Variants in GRIP1 observed in about 807,000 individuals in gnomAD.
The protein encoded by GRIP1 is glutamate receptor interacting protein 1, also known as glutamate receptor-interacting protein 1.
In GRIP1, 45 loss-of-function variants were observed where a neutral mutation model predicts 129.9. That is an observed-to-expected ratio of 0.35 (90% CI 0.27 to 0.44). The LOEUF (loss-of-function observed/expected upper bound fraction) is 0.44. Ranked by LOEUF, GRIP1 falls within the 20% of genes least tolerant of loss-of-function variation. The pLI, the probability that GRIP1 is intolerant of heterozygous loss-of-function variation, is 1.00. For missense variants in GRIP1, 1,196 were observed against 1,396.8 expected (o/e 0.86, Z 2.29); for synonymous variants, 530 against 520.8 (o/e 1.02, Z -0.24).
intron 1 of GRIP1, among the ~76,000 whole-genome samples, chr12:66,752,483 T>C (rs2037159445): frequency 6.6e-6 from 1 of 152,188 alleles, no homozygotes; most frequent in Non-Finnish European, 1.5e-5. Flanking sequence ...CAGTCATACA[T>C]TTTGTTTATT....
chr12:66,579,775 A>C (rs1198736907), intron 2 of GRIP1, among the ~76,000 whole-genome samples: 1 of 151,854 alleles, frequency 6.6e-6, no homozygotes, highest in Non-Finnish European at 1.5e-5. Flanking sequence ...CCAAATCTAC[A>C]TCTGATTGGT....
intron 1 of GRIP1, among the ~76,000 whole-genome samples, chr12:66,780,812 A>G (rs1441830246): frequency 3.9e-5 from 6 of 152,156 alleles, no homozygotes; most frequent in Non-Finnish European, 8.8e-5. Context: ...TCTATCTTGG[A>G]ACCCAGCTGT....
At position 66,574,436 on chromosome 12, in the gene GRIP1, A is replaced by G. The variant is rs553080506; in HGVS notation, c.136+22411T>C. Among the ~76,000 whole-genome samples, 8 of 152,332 alleles carry G rather than the reference A, an allele frequency of 5.3e-5. No homozygotes were observed. The East Asian group carries it at 1.5e-3, about 29-fold the overall frequency. ...TGCCAACCTTTCACTCTCTCTTTTA[A>G]AACACTAACATTTCACCTAAATTGG... is the stretch of plus-strand genomic sequence containing the variant. On this transcript the variant is annotated intron_variant, in intron 2 of 24. Transcript: ENST00000359742.
intron 1 of GRIP1, among the ~76,000 whole-genome samples, chr12:66,864,568 A>AC (rs1239370995): frequency 6.6e-6 from 1 of 150,908 alleles, no homozygotes; most frequent in Non-Finnish European, 1.5e-5. Flanking sequence ...ATAAAAAAAA[A>AC]ATAGCTGGGT....
At chr12:66,767,942 G>A (rs1457581311) in intron 1 of GRIP1, among the ~76,000 whole-genome samples, 1 of 152,208 alleles carries the variant, frequency 6.6e-6, no homozygotes, top group Non-Finnish European at 1.5e-5. Context: ...CATAGGAAGA[G>A]GGGAGGGTTA....
chr12:66,872,454 AATTT>A (rs1163588002), intron 1 of GRIP1, among the ~76,000 whole-genome samples: 1 of 152,018 alleles, frequency 6.6e-6, no homozygotes, highest in African/African-American at 2.4e-5. Flanking sequence ...TGAGCTATAG[AATTT>A]ATTTATTTAT....
At chr12:66,615,598 A>G (rs2065005495) in intron 1 of GRIP1, among the ~76,000 whole-genome samples, 1 of 152,226 alleles carries the variant, frequency 6.6e-6, no homozygotes, top group Non-Finnish European at 1.5e-5. Flanking sequence ...TCTACCTTAA[A>G]TGAATACACT....
chr12:66,480,606 C>A (rs1190126547), intron 7 of GRIP1, among the ~76,000 whole-genome samples: 1 of 152,136 alleles, frequency 6.6e-6, no homozygotes, highest in Non-Finnish European at 1.5e-5. Context: ...ATAGCCAAGA[C>A]AATCCTAAGC....
intron 1 of GRIP1, among the ~76,000 whole-genome samples, chr12:66,676,080 A>C (rs1342471492): frequency 6.6e-6 from 1 of 152,186 alleles, no homozygotes. Flanking sequence ...CATCTTTTAA[A>C]ATTACATCTG....
At chr12:66,350,059 G>A (rs971751724) in intron 24 of GRIP1, among the ~76,000 whole-genome samples, 4 of 151,930 alleles carry the variant, frequency 2.6e-5, no homozygotes, top group Non-Finnish European at 5.9e-5. Flanking sequence ...CCTCCTTGGC[G>A]TTTAGCATTT....
intron 1 of GRIP1, among the ~76,000 whole-genome samples, chr12:66,985,829 T>C (rs775396893): frequency 7.2e-5 from 11 of 152,348 alleles, no homozygotes; most frequent in Non-Finnish European, 1.3e-4. Context: ...GATCCTTCAC[T>C]GAGGACACTG....
intron 7 of GRIP1, among the ~76,000 whole-genome samples, chr12:66,472,970 A>G (rs908468532): frequency 2.0e-5 from 3 of 152,112 alleles, no homozygotes; most frequent in African/African-American, 4.8e-5. Context: ...AATGCCAGTG[A>G]GAGAGAACCA....
At chr12:66,483,013 T>C (rs1459805568) in intron 7 of GRIP1, among the ~76,000 whole-genome samples, 1 of 152,226 alleles carries the variant, frequency 6.6e-6, no homozygotes, top group East Asian at 1.9e-4. Flanking sequence ...CGCTGATGAC[T>C]GTTTGCATGG....
Position 66,541,875 on chromosome 12 carries a change from C to A in GRIP1, c.212G>T (p.Gly71Val), listed in dbSNP as rs1429101370. The stretch of plus-strand genomic sequence containing the variant: ...TCTTGGCTTGCCATCCTTATCAATT[C>A]CTCCCGATACCGTCAGACCCAGGGT... ...GTTLGLTVSG[G>V]IDKDGKPRVS... Residue 71 changes from glycine to valine, a missense_variant, in exon 3 of 25, where the codon GGA becomes GTA. Gly to Val is a moderately radical substitution (Grantham distance 109). Transcript: ENST00000359742. The A allele has an allele frequency of 6.2e-7, 1 of 1,613,900 alleles. No individual in the cohort carries two copies. Among genetic ancestry groups the A allele is most frequent in the Non-Finnish European group, 8.5e-7 (1 of 1,179,894 alleles).
At chr12:66,964,966 G>A (rs1026953399) in intron 1 of GRIP1, among the ~76,000 whole-genome samples, 1 of 151,886 alleles carries the variant, frequency 6.6e-6, no homozygotes, top group African/African-American at 2.4e-5. Context: ...CTTCTCATGA[G>A]GATAACAGAC....
At chr12:66,977,675 T>A (rs1429432003) in intron 1 of GRIP1, among the ~76,000 whole-genome samples, 2 of 152,186 alleles carry the variant, frequency 1.3e-5, no homozygotes, top group Non-Finnish European at 2.9e-5. Context: ...TACTTTTTTG[T>A]ATCTGGCTTG....
intron 7 of GRIP1, among the ~76,000 whole-genome samples, chr12:66,467,724 C>T (rs140368533): frequency 6.8e-4 from 104 of 152,328 alleles, no homozygotes; most frequent in Admixed American, 2.8e-3. Context: ...TCCTTAAGCA[C>T]GCTGCATAGC....
chr12:66,476,081 C>G (rs1463489820), intron 7 of GRIP1, among the ~76,000 whole-genome samples: 3 of 152,188 alleles, frequency 2.0e-5, no homozygotes, highest in Admixed American at 2.0e-4. Context: ...AATCCAGGAT[C>G]TGGTTTTTTG....
At chr12:66,353,649 G>T in intron 23 of GRIP1, 86 bp from the exon 24 acceptor site, 1 of 1,178,616 alleles carries the variant, frequency 8.5e-7, no homozygotes, top group Non-Finnish European at 1.3e-6. Flanking sequence ...CTTTTCACAC[G>T]AATTTAGTCA....
Sources: allele counts gnomAD v4.1 joint callset (sites outside exome capture counted in the v4.1 genomes callset), GRCh38; gene constraint gnomAD v4.1.1; transcripts MANE v1.5; gene names NCBI Gene and HGNC (gene_info 2026-07-23, HGNC 2026-07-21).